Variants in PDE4D observed in about 807,000 individuals in gnomAD.
PDE4D encodes phosphodiesterase 4D, also known as 3',5'-cyclic-AMP phosphodiesterase 4D.
A neutral mutation model predicts 87.4 loss-of-function variants in PDE4D; 24 were observed. The ratio of observed to expected loss-of-function variants is 0.27; its 90% CI spans 0.20 to 0.39. The LOEUF is 0.39. Among genes scored for constraint, PDE4D ranks in the 10% least tolerant of loss-of-function variants. The probability of loss-of-function intolerance (pLI) is 1.00; values close to 1 mark genes in which losing one functional copy is unlikely to be tolerated. For missense variants in PDE4D, 714 were observed against 1,041.0 expected (o/e 0.69, Z 4.32); for synonymous variants, 384 against 383.2 (o/e 1.00, Z -0.02).
intron 1 of PDE4D, among the ~76,000 whole-genome samples, chr5:59,607,386 T>A (rs373650133): frequency 1.3e-5 from 2 of 152,146 alleles, no homozygotes; most frequent in African/African-American, 4.8e-5. Context: ...CGTTGAAACA[T>A]CTGATCATTT....
At chr5:60,018,195 TA>T (rs780003325) in intron 2 of PDE4D, among the ~76,000 whole-genome samples, 88 of 142,286 alleles carry the variant, frequency 6.2e-4, no homozygotes, top group East Asian at 1.2e-3. Context: ...TCAACATTCT[TA>T]AAAAAAAAAA....
At chr5:60,029,101 G>T (rs1766954055) in intron 2 of PDE4D, among the ~76,000 whole-genome samples, 1 of 152,090 alleles carries the variant, frequency 6.6e-6, no homozygotes, top group South Asian at 2.1e-4. Flanking sequence ...ATTTTTACTT[G>T]TATAAATGTA....
chr5:59,299,899 C>A (rs1769851419), intron 1 of PDE4D, among the ~76,000 whole-genome samples: 1 of 152,144 alleles, frequency 6.6e-6, no homozygotes, highest in South Asian at 2.1e-4. Flanking sequence ...CACCTGAGGT[C>A]AGGAGTTTCA....
chr5:59,094,760 G>A (rs964691618), intron 5 of PDE4D, among the ~76,000 whole-genome samples: 5 of 152,100 alleles, frequency 3.3e-5, no homozygotes, highest in African/African-American at 4.8e-5. Flanking sequence ...ACAAAAAAAG[G>A]TTTAAACAAA....
chr5:59,163,133 C>T (rs1781391985), intron 5 of PDE4D, among the ~76,000 whole-genome samples: 2 of 140,330 alleles, frequency 1.4e-5, no homozygotes, highest in South Asian at 2.3e-4. Flanking sequence ...TCAGTAGAGA[C>T]GGGGGTTTCA....
rs1040810406 is a variant in PDE4D, at chr5:59,195,077, A to T, written c.648-1541T>A. 5.9e-5 allele frequency among the ~76,000 whole-genome samples: 9 copies of T among 152,082 alleles called. No homozygotes were observed. The South Asian group carries it at 8.3e-4, about 14-fold the overall frequency. Reference sequence around the variant, plus strand: ...TTCCATTTTTCCATTGTTTGGGATGATGCATCCCAAATATCCTAATCAGAT... The same window carrying T: ...TTCCATTTTTCCATTGTTTGGGATGTTGCATCCCAAATATCCTAATCAGAT... On this transcript the variant is annotated intron_variant, in intron 2 of 14. Coordinates refer to ENST00000340635, the MANE Select transcript of PDE4D (RefSeq NM_001104631.2).
chr5:59,258,722 G>GAT (rs1259476655), intron 1 of PDE4D, among the ~76,000 whole-genome samples: 16 of 147,776 alleles, frequency 1.1e-4, no homozygotes, highest in South Asian at 2.1e-4. Context: ...ATCATATATA[G>GAT]ATATATATAT....
intron 10 of PDE4D, among the ~76,000 whole-genome samples, chr5:58,989,216 A>C (rs1747283889): frequency 6.6e-6 from 1 of 152,144 alleles, no homozygotes; most frequent in Admixed American, 6.6e-5. Context: ...CCAGTTGAGA[A>C]TCACTCACCC....
chr5:60,189,891 A>T (rs1333782322), intron 1 of PDE4D, among the ~76,000 whole-genome samples: 1 of 152,196 alleles, frequency 6.6e-6, no homozygotes, highest in Non-Finnish European at 1.5e-5. Context: ...GTTGCCTCTG[A>T]GTGATCAAGG....
At chr5:59,458,041 T>A (rs1039171797) in intron 1 of PDE4D, among the ~76,000 whole-genome samples, 7 of 152,242 alleles carry the variant, frequency 4.6e-5, no homozygotes, top group African/African-American at 1.4e-4. Flanking sequence ...CTGGACCATA[T>A]TGACTTCTGA....
chr5:60,191,110 A>G (rs898325439), intron 1 of PDE4D, among the ~76,000 whole-genome samples: 2 of 152,162 alleles, frequency 1.3e-5, no homozygotes, highest in African/African-American at 4.8e-5. Context: ...TCTTTCTAAT[A>G]ACAACTTCCC....
At chr5:59,406,995 A>G (rs2153617660) in intron 1 of PDE4D, among the ~76,000 whole-genome samples, 1 of 152,302 alleles carries the variant, frequency 6.6e-6, no homozygotes, top group East Asian at 1.9e-4. Context: ...ACAGGGAGAC[A>G]CTAAAATACT....
At chr5:59,160,070 T>C (rs951275335) in intron 5 of PDE4D, among the ~76,000 whole-genome samples, 3 of 152,182 alleles carry the variant, frequency 2.0e-5, no homozygotes, top group Non-Finnish European at 4.4e-5. Context: ...GTGTACACCT[T>C]TAAGAGGTTA....
intron 1 of PDE4D, among the ~76,000 whole-genome samples, chr5:59,282,448 C>T (rs1766002949): frequency 6.6e-6 from 1 of 151,820 alleles, no homozygotes; most frequent in African/African-American, 2.4e-5. Context: ...TGAGACCAGC[C>T]TGGCAAACAT....
In PDE4D at chr5:60,285,116, C is replaced by A. The variant is rs529978651; in HGVS notation, c.-89-99429G>T. Reference sequence around the variant, plus strand: ...TCTAATTCTACAGTAATTTTTTTAGCAAATTTACTAGCATTCTATTTAGTT... The same window carrying A: ...TCTAATTCTACAGTAATTTTTTTAGAAAATTTACTAGCATTCTATTTAGTT... On this transcript the variant is annotated intron_variant, in intron 1 of 16. Coordinates refer to the PDE4D transcript ENST00000502484. 2.0e-5 allele frequency among the ~76,000 whole-genome samples: 3 copies of A among 152,082 alleles called. No individual in the cohort carries two copies. The East Asian group carries it at 5.8e-4, about 29-fold the overall frequency.
chr5:60,146,357 T>A (rs975725686), intron 2 of PDE4D, among the ~76,000 whole-genome samples: 1 of 152,256 alleles, frequency 6.6e-6, no homozygotes, highest in African/African-American at 2.4e-5. Flanking sequence ...CAGACTTGTG[T>A]CTCCACCATC....
chr5:58,969,905 T>A lies in PDE4D; in HGVS notation c.*4759A>T, dbSNP rs1236518891. 2.6e-5 allele frequency: 4 copies of A among 152,202 alleles called. No individual in the cohort carries two copies. The highest frequency in any genetic ancestry group is 4.1e-4 in the South Asian group (2 of 4,834). 9.4% of individuals were successfully genotyped at this position (152,202 alleles called of 1,614,324 possible). A position where few individuals can be genotyped will look rare whatever the true frequency, so the allele number is the denominator to read the frequency against. ...TCTAAGTAATTTTGGTAATTTTTAA[T>A]GTAGCAAAATTACTCAAGTTGGCTT... On this transcript the variant is annotated 3_prime_UTR_variant, in exon 15 of 15. Transcript: ENST00000340635.
intron 1 of PDE4D, among the ~76,000 whole-genome samples, chr5:59,442,094 C>A (rs1193829163): frequency 1.3e-5 from 2 of 152,100 alleles, no homozygotes; most frequent in Non-Finnish European, 2.9e-5. Context: ...GAGATTATGG[C>A]TAGTTTTGTG....
intron 1 of PDE4D, among the ~76,000 whole-genome samples, chr5:59,399,577 T>C (rs199861041): frequency 7.5e-6 from 1 of 132,676 alleles, no homozygotes; most frequent in African/African-American, 2.7e-5. Context: ...ATACAAAAAT[T>C]AATTCAAGAT....
Sources: gnomAD v4.1 joint callset for allele counts (sites outside exome capture counted in the v4.1 genomes callset) on GRCh38, gnomAD v4.1.1 for gene constraint, MANE v1.5 for transcripts, NCBI Gene and HGNC (gene_info 2026-07-23, HGNC 2026-07-21) for gene names.